Variants in FAM120AOS observed in about 807,000 individuals in gnomAD.
FAM120AOS encodes uncharacterized protein FAM120AOS.
In FAM120AOS, 15 loss-of-function variants were observed where a neutral mutation model predicts 20.2. The ratio of observed to expected loss-of-function variants is 0.74; its 90% CI spans 0.50 to 1.15. The LOEUF is 1.15. Among genes scored for constraint, FAM120AOS ranks in the 50% most tolerant of loss-of-function variants. The probability of loss-of-function intolerance (pLI) is 0.00; values close to 1 mark genes in which losing one functional copy is unlikely to be tolerated. For synonymous variants in FAM120AOS, 154 were observed against 154.0 expected, an observed-to-expected ratio of 1.00 and a Z score of 0.00; for missense variants, 327 against 351.9, an observed-to-expected ratio of 0.93 and a Z score of 0.57.
chr9:93,450,900 G>T, intron 1 of FAM120AOS: 2 of 1,012,478 alleles, frequency 2.0e-6, no homozygotes, highest in Non-Finnish European at 3.0e-6. Flanking sequence ...TTTCAGTCTA[G>T]CCATTGCGCA....
At chr9:93,450,695 C>T (rs1480102615) in intron 1 of FAM120AOS, 96 bp from the exon 2 acceptor site, 1 of 1,527,810 alleles carries the variant, frequency 6.5e-7, no homozygotes, top group Non-Finnish European at 8.9e-7. Context: ...TTCTGAAAGA[C>T]ATTAATCTCT....
chr9:93,451,396 G>T, intron 1 of FAM120AOS: 1 of 1,387,526 alleles, frequency 7.2e-7, no homozygotes, highest in Non-Finnish European at 9.3e-7. Context: ...TGGCCCTGCC[G>T]GGAACAGGGC....
rs761713437 is a variant in FAM120AOS at position 93,444,062 on chromosome 9, C to T, written c.*3549G>A. On this transcript the variant is annotated 3_prime_UTR_variant, in exon 3 of 3. Transcript: ENST00000375412. ...TTGTTTTTGTTTTTGTTTTTTGAGA[C>T]GGAGTTTTGCTCTTGCTGTCCAGGC... is the stretch of plus-strand genomic sequence containing the variant. 3.3e-4 allele frequency among the ~76,000 whole-genome samples: 50 copies of T among 152,084 alleles called. No individual in the cohort carries two copies. Among genetic ancestry groups the T allele is most frequent in the Non-Finnish European group, 2.9e-4 (20 of 68,012 alleles).
At chr9:93,451,363 C>T in intron 1 of FAM120AOS, 4 of 1,421,396 alleles carry the variant, frequency 2.8e-6, no homozygotes, top group Non-Finnish European at 3.7e-6. Context: ...CCGAGAACCA[C>T]CGGGCGGAGG....
In FAM120AOS at chr9:93,446,922, G is replaced by A. The variant is rs1001117592; in HGVS notation, c.*689C>T. 6.6e-6 allele frequency: 1 copy of A among 152,190 alleles called. No homozygotes were observed. The highest frequency in any genetic ancestry group is 1.5e-5 in the Non-Finnish European group (1 of 68,048). The allele number at this position is 152,190 out of a possible 1,614,324, so 9.4% of individuals were successfully genotyped here. A position where few individuals can be genotyped will look rare whatever the true frequency, so the allele number is the denominator to read the frequency against. Reference sequence around the variant, plus strand: ...ACTCTAAGAACCTATGAAGCGCCAGGGCAGTGCTGGTTGCTTTCACCCATA... The same window carrying A: ...ACTCTAAGAACCTATGAAGCGCCAGAGCAGTGCTGGTTGCTTTCACCCATA... On this transcript the variant is annotated 3_prime_UTR_variant, in exon 3 of 3. Coordinates refer to ENST00000375412, the MANE Select transcript of FAM120AOS (RefSeq NM_198841.4).
Position 93,446,126 on chromosome 9 carries a change from T to C in FAM120AOS, c.*1485A>G, listed in dbSNP as rs1224759695. 6.6e-6 allele frequency among the ~76,000 whole-genome samples: 1 copy of C among 152,192 alleles called. No homozygotes were observed. The highest frequency in any genetic ancestry group is 6.5e-5 in the Admixed American group (1 of 15,270). On this transcript the variant is annotated 3_prime_UTR_variant, in exon 3 of 3. Transcript: ENST00000375412. ...TAAGGATAAAGTATTACAGTAACTT[T>C]CTTCCTGCCTTCCAGAGGCACTTTC...
In FAM120AOS at chr9:93,444,364, G is replaced by T. The variant is rs116311818; in HGVS notation, c.*3247C>A. On this transcript the variant is annotated 3_prime_UTR_variant, in exon 3 of 3. Transcript: ENST00000375412. ...CTGACTAGGGTCATCTTTAGGTCAG[G>T]ACTGAGAGAGAAAAAGTTTAAAAAA... Among the ~76,000 whole-genome samples, 36 of 152,120 alleles carry T rather than the reference G, an allele frequency of 2.4e-4. No individual in the cohort carries two copies. The highest frequency in any genetic ancestry group is 8.4e-4 in the African/African-American group (35 of 41,512).
intron 2 of FAM120AOS, among the ~76,000 whole-genome samples, chr9:93,449,289 A>G (rs1229524982): frequency 2.0e-5 from 3 of 152,184 alleles, no homozygotes; most frequent in African/African-American, 7.2e-5. Context: ...TTTAATCCTT[A>G]TAACAACCTG....
chr9:93,444,906 A>C lies in FAM120AOS; in HGVS notation c.*2705T>G, dbSNP rs57664931. Among the ~76,000 whole-genome samples, 1,622 of 152,194 alleles carry C rather than the reference A, an allele frequency of 0.011. 34 individuals are homozygous for C. The highest frequency in any genetic ancestry group is 0.036 in the African/African-American group (1,512 of 41,520). ...TGGGATTACAGGAATGAGCCACTGC[A>C]CCCGGCCAGTTCTGCATTTCTTAAG... On this transcript the variant is annotated 3_prime_UTR_variant, in exon 3 of 3. Coordinates refer to ENST00000375412, the MANE Select transcript of FAM120AOS (RefSeq NM_198841.4).
chr9:93,448,497 G>GCAAAAAAAAAAAAAAAAAAAAAAAAA, intron 2 of FAM120AOS: 1 of 204,142 alleles, frequency 4.9e-6, no homozygotes, highest in African/African-American at 2.4e-5. Flanking sequence ...CATCTTGGGG[G>GCAAAAAAAAAAAAAAAAAAAAAAAAA]AGAAAAAATA....
intron 1 of FAM120AOS, chr9:93,450,952 C>A: frequency 7.2e-7 from 1 of 1,392,100 alleles, no homozygotes; most frequent in Non-Finnish European, 1.0e-6. Context: ...GACCTGTGCT[C>A]TCAAGACAGT....
rs1267784747 is a variant in FAM120AOS, at chr9:93,447,706, A to G, written c.685-9T>C. On this transcript the variant is annotated splice_polypyrimidine_tract_variant and intron_variant, in intron 2 of 2. Transcript: ENST00000375412. ...GAACAGCTTCTGGAAATCTGAAAAGAAAAAAAAAAAGGTAGTTTATATATT... is the reference window on the plus strand; with the variant it reads ...GAACAGCTTCTGGAAATCTGAAAAGGAAAAAAAAAAGGTAGTTTATATATT... The G allele has an allele frequency of 8.5e-6, 6 of 707,744 alleles. No individual in the cohort carries two copies. Among genetic ancestry groups the G allele is most frequent in the Non-Finnish European group, 8.2e-6 (4 of 489,526 alleles). 43.8% of individuals were successfully genotyped at this position (707,744 alleles called of 1,614,324 possible).
In FAM120AOS at chr9:93,453,148, G is replaced by T; in HGVS notation, c.-439C>A. 2 of 1,003,102 alleles carry T rather than the reference G, an allele frequency of 2.0e-6. No homozygotes were observed. Among genetic ancestry groups the T allele is most frequent in the Non-Finnish European group, 2.4e-6 (2 of 841,932 alleles). 62.1% of individuals were successfully genotyped at this position (1,003,102 alleles called of 1,614,324 possible). ...TTGTAGATCCCATGCGAAAGGAGTC[G>T]CTCAAAATCAGGGGGCGAACTACGC... is the stretch of plus-strand genomic sequence containing the variant. On this transcript the variant is annotated 5_prime_UTR_variant, in exon 1 of 3. Coordinates refer to ENST00000375412, the MANE Select transcript of FAM120AOS (RefSeq NM_198841.4).
intron 1 of FAM120AOS, chr9:93,451,844 C>T (rs1857234015): frequency 2.1e-6 from 2 of 965,628 alleles, no homozygotes. Context: ...AGCCCGCCCG[C>T]GCGCCACGGC....
rs1214220397 is a variant in FAM120AOS at position 93,446,769 on chromosome 9, T to TAG, written c.*840_*841dup. On this transcript the variant is annotated 3_prime_UTR_variant, in exon 3 of 3. Coordinates refer to ENST00000375412, the MANE Select transcript of FAM120AOS (RefSeq NM_198841.4). ...ATGAGAACAACTCTTCTCTTCCACATAGATATTTTTGCATCAGCCCAAAGC... is the reference window on the plus strand; with the variant it reads ...ATGAGAACAACTCTTCTCTTCCACATAGAGATATTTTTGCATCAGCCCAAAGC... The TAG allele has an allele frequency of 6.6e-6, 1 of 152,138 alleles. No individual in the cohort carries two copies. Among genetic ancestry groups the TAG allele is most frequent in the Non-Finnish European group, 1.5e-5 (1 of 68,036 alleles). 9.4% of individuals were successfully genotyped at this position (152,138 alleles called of 1,614,324 possible).
In FAM120AOS at chr9:93,444,614, CTTT is replaced by C. The variant is rs143027778; in HGVS notation, c.*2994_*2996del. Among the ~76,000 whole-genome samples, 2 of 143,546 alleles carry C rather than the reference CTTT, an allele frequency of 1.4e-5. No individual in the cohort carries two copies. Among genetic ancestry groups the C allele is most frequent in the Admixed American group, 7.0e-5 (1 of 14,356 alleles). The allele number at this position is 143,546 out of a possible 152,430, so 94.2% of individuals were successfully genotyped here. A position where few individuals can be genotyped will look rare whatever the true frequency, so the allele number is the denominator to read the frequency against. On this transcript the variant is annotated 3_prime_UTR_variant, in exon 3 of 3. Transcript: ENST00000375412. Reference sequence around the variant, plus strand: ...GTTTTGAGGCCAGTAAGGAGTTCTGCTTTTTTTTTTTTTTCCTGAGACGGAGTT... The same window carrying C: ...GTTTTGAGGCCAGTAAGGAGTTCTGCTTTTTTTTTTTCCTGAGACGGAGTT...
At chr9:93,449,719 C>G (rs780675485) in intron 2 of FAM120AOS, among the ~76,000 whole-genome samples, 1 of 152,060 alleles carries the variant, frequency 6.6e-6, no homozygotes. Context: ...ATCTCTTGAC[C>G]TCGTGATCTG....
chr9:93,451,062 G>A, intron 1 of FAM120AOS: 1 of 1,550,622 alleles, frequency 6.4e-7, no homozygotes, highest in Non-Finnish European at 8.7e-7. Context: ...CCACAACCGA[G>A]AGCCCGAAGC....
chr9:93,451,892 C>G, intron 1 of FAM120AOS: 2 of 1,248,054 alleles, frequency 1.6e-6, no homozygotes, highest in Non-Finnish European at 2.0e-6. Context: ...CGCCCGCACC[C>G]GCGCCCGCGC....
Sources: gnomAD v4.1 joint callset for allele counts (sites outside exome capture counted in the v4.1 genomes callset) on GRCh38, gnomAD v4.1.1 for gene constraint, MANE v1.5 for transcripts, NCBI Gene and HGNC (gene_info 2026-07-23, HGNC 2026-07-21) for gene names.